CDK8: variants seen among roughly 807,000 people sequenced by gnomAD.
The protein encoded by CDK8 is cyclin dependent kinase 8, also known as cyclin-dependent kinase 8.
In CDK8, 29 loss-of-function variants were observed where a neutral mutation model predicts 71.5. That is an observed-to-expected ratio of 0.41 (90% confidence interval 0.30 to 0.55). The LOEUF (loss-of-function observed/expected upper bound fraction) is 0.55, where lower values mean the gene tolerates loss of function less well. CDK8 is among the 20% of genes least tolerant of loss of function. The pLI is 0.37. For missense variants in CDK8, 288 were observed against 572.6 expected, an observed-to-expected ratio of 0.50 and a Z score of 5.07; for synonymous variants, 161 against 192.1, an observed-to-expected ratio of 0.84 and a Z score of 1.34.
intron 1 of CDK8, among the ~76,000 whole-genome samples, chr13:26,290,802 AAAAC>A (rs140228827): frequency 0.023 from 3,538 of 152,132 alleles, 120 homozygotes; most frequent in African/African-American, 0.078. Context: ...TGGTTTGCAA[AAAAC>A]AAACAAACAA....
chr13:26,374,030 A>C (rs1344351054), intron 4 of CDK8, among the ~76,000 whole-genome samples: 3 of 134,458 alleles, frequency 2.2e-5, no homozygotes, highest in Admixed American at 7.6e-5. Flanking sequence ...AAAAAAAAAA[A>C]AAAAAAACAA....
At position 26,271,806 on chromosome 13, in the gene CDK8, CTT is replaced by C. The variant is rs58160694; in HGVS notation, c.128+17072_128+17073del. The stretch of plus-strand genomic sequence containing the variant: ...CCTGGGGGACAGAGTGAGACCCTGT[CTT>C]TTTTTTTTTTTTTTTTTTTTTTTTT... On this transcript the variant is annotated intron_variant, in intron 1 of 12. Coordinates refer to ENST00000381527, the MANE Select transcript of CDK8 (RefSeq NM_001260.3). 8.2e-3 allele frequency among the ~76,000 whole-genome samples: 516 copies of C among 62,642 alleles called. 84 individuals are homozygous for C. Among genetic ancestry groups the C allele is most frequent in the African/African-American group, 0.04 (464 of 11,540 alleles). The allele number at this position is 62,642 out of a possible 152,430, so 41.1% of individuals were successfully genotyped here. A position where few individuals can be genotyped will look rare whatever the true frequency, so the allele number is the denominator to read the frequency against.
rs116356105 is a variant in CDK8 at position 26,362,376 on chromosome 13, G to A, written c.456+8496G>A. ...TGCCAGCTGAAGAAACAGGGAAGCTGGTTGCATGGTTCAGTCTAAATCCAG... is the reference window on the plus strand; with the variant it reads ...TGCCAGCTGAAGAAACAGGGAAGCTAGTTGCATGGTTCAGTCTAAATCCAG... On this transcript the variant is annotated intron_variant, in intron 4 of 12. Transcript: ENST00000381527. Among the ~76,000 whole-genome samples, 960 of 152,230 alleles carry A rather than the reference G, an allele frequency of 6.3e-3. 8 individuals carry two copies. The highest frequency in any genetic ancestry group is 0.021 in the African/African-American group (858 of 41,532).
At chr13:26,363,898 T>G (rs1874261878) in intron 4 of CDK8, among the ~76,000 whole-genome samples, 1 of 152,212 alleles carries the variant, frequency 6.6e-6, no homozygotes, top group African/African-American at 2.4e-5. Context: ...ATTGATAGCA[T>G]GATGAATTAT....
intron 6 of CDK8, among the ~76,000 whole-genome samples, chr13:26,390,979 T>C (rs1875716870): frequency 6.6e-6 from 1 of 151,050 alleles, no homozygotes; most frequent in African/African-American, 2.4e-5. Context: ...CTAAAGAGAC[T>C]TTCCATGAAT....
At chr13:26,281,242 T>G (rs9551257) in intron 1 of CDK8, among the ~76,000 whole-genome samples, 62,191 of 152,132 alleles carry the variant, frequency 0.41, 14,420 homozygotes, top group Non-Finnish European at 0.52. Flanking sequence ...CTTCACTCCC[T>G]TACCATCTCC....
chr13:26,308,772 T>G (rs1256344360), intron 1 of CDK8, among the ~76,000 whole-genome samples: 2 of 152,224 alleles, frequency 1.3e-5, no homozygotes, highest in African/African-American at 4.8e-5. Flanking sequence ...TTCCTCACTT[T>G]CCATTTCCTC....
intron 4 of CDK8, among the ~76,000 whole-genome samples, chr13:26,371,396 T>C (rs1049940669): frequency 3.9e-5 from 6 of 152,162 alleles, no homozygotes; most frequent in African/African-American, 1.4e-4. Context: ...AAGTTCATCA[T>C]ATTCCTCAAT....
intron 4 of CDK8, among the ~76,000 whole-genome samples, chr13:26,371,835 C>G (rs1874703981): frequency 6.6e-6 from 1 of 152,082 alleles, no homozygotes; most frequent in African/African-American, 2.4e-5. Context: ...TCAGGCTGGT[C>G]TCGAAATCCT....
intron 1 of CDK8, among the ~76,000 whole-genome samples, chr13:26,306,349 A>G (rs1874039826): frequency 6.6e-6 from 1 of 152,192 alleles, no homozygotes; most frequent in African/African-American, 2.4e-5. Context: ...TTTTGTGGGA[A>G]TGAACATATT....
In CDK8 at chr13:26,337,610, G is replaced by A; in HGVS notation, c.172G>A (p.Gly58Arg). Reference protein sequence around the residue: ...DYALKQIEGTGISMSACREIA... With the variant: ...DYALKQIEGTRISMSACREIA... ...TGCTTTAAAACAAATAGAAGGAACT[G>A]GGATCTCTATGTCGGCATGTAGAGA... The change falls in exon 2 of 13, where the codon GGG (glycine) becomes AGG (arginine). Residue 58 changes from glycine (G) to arginine (R), a missense_variant. By Grantham distance (125) the Gly-to-Arg change is moderately radical. Transcript: ENST00000381527. 1.4e-6 allele frequency: 2 copies of A among 1,457,544 alleles called. No individual in the cohort carries two copies. Among genetic ancestry groups the A allele is most frequent in the East Asian group, 2.5e-5 (1 of 39,758 alleles). 90.3% of individuals were successfully genotyped at this position (1,457,544 alleles called of 1,614,324 possible).
At chr13:26,342,742 C>T (rs191451470) in intron 2 of CDK8, among the ~76,000 whole-genome samples, 35 of 152,236 alleles carry the variant, frequency 2.3e-4, no homozygotes, top group Non-Finnish European at 1.2e-4. Context: ...AACAAAACAC[C>T]ACCACCAACA....
At position 26,254,986 on chromosome 13, in the gene CDK8, G is replaced by GT. The variant is rs1871454817; in HGVS notation, c.128+218dup. 6.6e-6 allele frequency among the ~76,000 whole-genome samples: 1 copy of GT among 152,220 alleles called. No homozygotes were observed. The highest frequency in any genetic ancestry group is 1.5e-5 in the Non-Finnish European group (1 of 68,042). On this transcript the variant is annotated intron_variant, in intron 1 of 12. Transcript: ENST00000381527. The surrounding 1 kb of genome is among the most constrained non-coding windows in gnomAD (Gnocchi z 6.7). ...GCCGCGTCTGTGTTCTGCTCTGGTG[G>GT]TAAGAGGCAAGATGAGCCTCTGCAC...
intron 1 of CDK8, among the ~76,000 whole-genome samples, chr13:26,334,989 G>A (rs2137969170): frequency 6.6e-6 from 1 of 152,258 alleles, no homozygotes; most frequent in South Asian, 2.1e-4. Context: ...AAGCCAGAGA[G>A]CAAAGACCCT....
chr13:26,324,115 C>T (rs1198099181), intron 1 of CDK8, among the ~76,000 whole-genome samples: 3 of 152,074 alleles, frequency 2.0e-5, no homozygotes, highest in Non-Finnish European at 2.9e-5. Context: ...ATAATTGATA[C>T]AGAGTGCAAG....
intron 9 of CDK8, among the ~76,000 whole-genome samples, chr13:26,399,045 G>A (rs1256297942): frequency 2.0e-5 from 3 of 150,712 alleles, no homozygotes; most frequent in African/African-American, 4.9e-5. Flanking sequence ...CAGTTTCATT[G>A]TGTCACCAGG....
chr13:26,385,000 C>T (rs1226798921), intron 5 of CDK8, among the ~76,000 whole-genome samples: 2 of 152,172 alleles, frequency 1.3e-5, no homozygotes. Flanking sequence ...TTGACTATAA[C>T]CCCATTGAAG....
rs35699561 is a variant in CDK8 at position 26,285,232 on chromosome 13, C to CA, written c.128+30470dup. 2.3e-3 allele frequency among the ~76,000 whole-genome samples: 348 copies of CA among 151,780 alleles called. 1 individual carries two copies. Among genetic ancestry groups the CA allele is most frequent in the African/African-American group, 7.4e-3 (306 of 41,330 alleles). ...GGGCAACAAGAGCGAAACTCCGTCT[C>CA]AAAAAAACAAAACAAAACAAAACAA... On this transcript the variant is annotated intron_variant, in intron 1 of 12. Coordinates refer to ENST00000381527, the MANE Select transcript of CDK8 (RefSeq NM_001260.3).
At chr13:26,255,617 A>G (rs1009718284) in intron 1 of CDK8, among the ~76,000 whole-genome samples, 11 of 152,242 alleles carry the variant, frequency 7.2e-5, no homozygotes, top group Admixed American at 1.3e-4. Context: ...AATATTGACA[A>G]AAGAGAAGGC....
Sources: gnomAD v4.1 joint callset for allele counts (sites outside exome capture counted in the v4.1 genomes callset) on GRCh38, gnomAD v4.1.1 for gene constraint, Gnocchi (gnomAD v3.1) non-coding constraint, MANE v1.5 for transcripts, NCBI Gene and HGNC (gene_info 2026-07-23, HGNC 2026-07-21) for gene names.